ZNF30: variants seen among roughly 807,000 people sequenced by gnomAD.
ZNF30 encodes the protein zinc finger protein 30.
A neutral mutation model predicts 13.2 loss-of-function variants in ZNF30; 15 were observed. That is an observed-to-expected ratio of 1.13 (90% CI 0.76 to 1.75). The LOEUF (loss-of-function observed/expected upper bound fraction) is 1.75. Among genes scored for constraint, ZNF30 ranks in the 40% most tolerant of loss-of-function variants. The probability of loss-of-function intolerance (pLI) is 0.00; values close to 1 mark genes in which losing one functional copy is unlikely to be tolerated. For missense variants in ZNF30, 726 were observed against 757.0 expected (o/e 0.96, Z 0.48); for synonymous variants, 223 against 256.6 (o/e 0.87, Z 1.25).
chr19:34,931,771 GCT>G, intron 2 of ZNF30, 70 bp from the exon 3 acceptor site: 1 of 1,463,144 alleles, frequency 6.8e-7, no homozygotes, highest in Non-Finnish European at 9.3e-7. Flanking sequence ...TTATGTTATT[GCT>G]CCCTTACTAC....
intron 1 of ZNF30, among the ~76,000 whole-genome samples, chr19:34,928,252 T>TATAG (rs61316053): frequency 0.037 from 2,059 of 56,234 alleles, 30 homozygotes; most frequent in Non-Finnish European, 0.043. Flanking sequence ...TATATATATA[T>TATAG]ATAGATAGAT....
chr19:34,929,957 G>A lies in ZNF30; in HGVS notation c.9+1G>A, dbSNP rs1423450378. On this transcript the variant is annotated splice_donor_variant, in intron 2 of 4. Coordinates refer to ENST00000601142, the MANE Select transcript of ZNF30 (RefSeq NM_194325.3). LOFTEE classifies it high-confidence loss of function. ...TTACAATTCTCAAAGCATGGCCCAT[G>A]TAAGTTGGTGTTTCTTCTTGAAATA... 1.2e-6 allele frequency: 2 copies of A among 1,606,500 alleles called. No individual in the cohort carries two copies. Among genetic ancestry groups the A allele is most frequent in the African/African-American group, 1.3e-5 (1 of 74,782 alleles).
At chr19:34,934,711 G>A (rs1316255421) in intron 4 of ZNF30, among the ~76,000 whole-genome samples, 1 of 152,088 alleles carries the variant, frequency 6.6e-6, no homozygotes, top group Non-Finnish European at 1.5e-5. Flanking sequence ...GTTATTATGA[G>A]GCAGATACCT....
At position 34,944,051 on chromosome 19, in the gene ZNF30, A is replaced by G. The variant is rs777065267; in HGVS notation, c.1085A>G (p.His362Arg). The G allele has an allele frequency of 4.3e-6, 7 of 1,614,092 alleles. No individual in the cohort carries two copies. Among genetic ancestry groups the G allele is most frequent in the Admixed American group, 3.3e-5 (2 of 60,028 alleles). The change falls in exon 5 of 5, where the codon CAT becomes CGT. Residue 362 changes from histidine (H) to arginine (R), a missense_variant. By Grantham distance (29) the His-to-Arg change is conservative. Transcript: ENST00000601142. Reference sequence around the variant, plus strand: ...AGACTTAGTTCCTTCCTTCATGCACATCAGCGAATTCATGCAGAGATAAAG... The same window carrying G: ...AGACTTAGTTCCTTCCTTCATGCACGTCAGCGAATTCATGCAGAGATAAAG... ...AFRLSSFLHAHQRIHAEIKPY... is the reference protein window; with the variant it reads ...AFRLSSFLHARQRIHAEIKPY...
intron 2 of ZNF30, 78 bp from the exon 3 acceptor site, chr19:34,931,765 G>A (rs997884325): frequency 1.4e-5 from 20 of 1,435,872 alleles, no homozygotes; most frequent in African/African-American, 8.6e-5. Flanking sequence ...TGATTGTTAT[G>A]TTATTGCTCC....
rs954709401 is a variant in ZNF30 at position 34,944,723 on chromosome 19, A to G, written c.1757A>G (p.His586Arg). The stretch of plus-strand genomic sequence containing the variant: ...AGACTTAATTCATTCCTTACTGAAC[A>G]TCAGCGGGTACACACTGGTGAGAAA... Reference protein sequence around the residue: ...AFRLNSFLTEHQRVHTGEKPF... With the variant: ...AFRLNSFLTERQRVHTGEKPF... The change falls in exon 5 of 5, where the codon CAT (histidine) becomes CGT (arginine). Residue 586 changes from histidine (H) to arginine (R), a missense_variant. Transcript: ENST00000601142. 2.5e-6 allele frequency: 4 copies of G among 1,613,986 alleles called. No homozygotes were observed. The African/African-American group carries it at 4.0e-5, about 16-fold the overall frequency.
At chr19:34,924,386 C>G (rs1273932829), upstream of ZNF30, among the ~76,000 whole-genome samples, 1 of 152,096 alleles carries the variant, frequency 6.6e-6, no homozygotes, top group African/African-American at 2.4e-5. Flanking sequence ...CTGCAAAATA[C>G]AAATTTCTAT....
At chr19:34,934,840 T>C (rs993576901) in intron 4 of ZNF30, among the ~76,000 whole-genome samples, 1 of 152,154 alleles carries the variant, frequency 6.6e-6, no homozygotes, top group Non-Finnish European at 1.5e-5. Context: ...AGATGACGGA[T>C]TGATGGGTGC....
chr19:34,935,094 G>A (rs10417901), intron 4 of ZNF30, among the ~76,000 whole-genome samples: 65,037 of 151,342 alleles, frequency 0.43, 15,450 homozygotes, highest in African/African-American at 0.65. Context: ...GGCCAGGCGT[G>A]GTGGCGGGCG....
chr19:34,927,845 T>G (rs899401006), intron 1 of ZNF30, among the ~76,000 whole-genome samples: 1 of 152,098 alleles, frequency 6.6e-6, no homozygotes, highest in Non-Finnish European at 1.5e-5. Context: ...TAAAGAAGAG[T>G]TGCTCTTAAT....
At chr19:34,924,453 A>C (rs2011999275), upstream of ZNF30, among the ~76,000 whole-genome samples, 1 of 152,200 alleles carries the variant, frequency 6.6e-6, no homozygotes, top group South Asian at 2.1e-4. Context: ...ATTTCTGCCC[A>C]GATGACATTT....
At chr19:34,927,974 G>C (rs957272704) in intron 1 of ZNF30, among the ~76,000 whole-genome samples, 1 of 151,914 alleles carries the variant, frequency 6.6e-6, no homozygotes, top group Non-Finnish European at 1.5e-5. Context: ...AAGCTGAGGC[G>C]GGTGGATTGC....
chr19:34,929,913 A>C lies in ZNF30; in HGVS notation c.-35A>C, dbSNP rs1291838043. ...TGAACTTCTCAGATAGAGGAACCCCAGTGAAGACTGATCAGTTCTTACAAT... is the reference window on the plus strand; with the variant it reads ...TGAACTTCTCAGATAGAGGAACCCCCGTGAAGACTGATCAGTTCTTACAAT... On this transcript the variant is annotated 5_prime_UTR_variant, in exon 2 of 5. Transcript: ENST00000601142. 4 of 1,598,386 alleles carry C rather than the reference A, an allele frequency of 2.5e-6. No homozygotes were observed. The Admixed American group carries it at 6.9e-5, about 27-fold the overall frequency.
Position 34,944,931 on chromosome 19 carries a change from G to T in ZNF30, c.*93G>T. The T allele has an allele frequency of 8.4e-7, 1 of 1,190,018 alleles. No homozygotes were observed. Among genetic ancestry groups the T allele is most frequent in the Admixed American group, 2.8e-5 (1 of 35,212 alleles). 73.7% of individuals were successfully genotyped at this position (1,190,018 alleles called of 1,614,324 possible). A position where few individuals can be genotyped will look rare whatever the true frequency, so the allele number is the denominator to read the frequency against. On this transcript the variant is annotated 3_prime_UTR_variant, in exon 5 of 5. Coordinates refer to ENST00000601142, the MANE Select transcript of ZNF30 (RefSeq NM_194325.3). ...CTGGTAGGAAACTTTCAAATGTGAA[G>T]AATATTGGCAGGTCTATTCTCATCT... is the stretch of plus-strand genomic sequence containing the variant.
chr19:34,931,989 A>C lies in ZNF30; in HGVS notation c.156A>C (p.Ser52=). ...TGGAGAACTACAGGAACTTGGTGTCAATGGGTAAGTGTACTTCTCTCAAAT... is the reference window on the plus strand; with the variant it reads ...TGGAGAACTACAGGAACTTGGTGTCCATGGGTAAGTGTACTTCTCTCAAAT... The part of the protein sequence containing the change: ...VMLENYRNLV[S]MGHSRSKPHV... Residue 52 remains serine (S), a synonymous_variant, in exon 3 of 5, where the codon TCA becomes TCC. Transcript: ENST00000601142. 1 of 1,595,412 alleles carries C rather than the reference A, an allele frequency of 6.3e-7. No homozygotes were observed. Among genetic ancestry groups the C allele is most frequent in the Non-Finnish European group, 8.5e-7 (1 of 1,173,704 alleles).
At chr19:34,928,495 A>G (rs1413387196) in intron 1 of ZNF30, among the ~76,000 whole-genome samples, 1 of 151,998 alleles carries the variant, frequency 6.6e-6, no homozygotes, top group African/African-American at 2.4e-5. Flanking sequence ...TTATTACAGT[A>G]TGCTATTATA....
At position 34,935,471 on chromosome 19, in the gene ZNF30, A is replaced by T. The variant is rs112849393; in HGVS notation, c.256+1748A>T. ...ACTTTGCCAGGGATCCCATATTCTC[A>T]CTCCCAGTCTTACCTGCTCTTCTCA... On this transcript the variant is annotated intron_variant, in intron 4 of 4. Transcript: ENST00000601142. Among the ~76,000 whole-genome samples, 463 of 150,992 alleles carry T rather than the reference A, an allele frequency of 3.1e-3. 1 individual carries two copies. The highest frequency in any genetic ancestry group is 4.6e-3 in the Non-Finnish European group (313 of 67,768).
upstream of ZNF30, among the ~76,000 whole-genome samples, chr19:34,924,195 G>A (rs182533826): frequency 4.2e-3 from 636 of 152,036 alleles, 3 homozygotes; most frequent in African/African-American, 0.015. Flanking sequence ...GTAAGATTGC[G>A]ATCCTTAGCT....
intron 4 of ZNF30, among the ~76,000 whole-genome samples, chr19:34,936,179 T>C (rs1202539153): frequency 6.6e-6 from 1 of 152,154 alleles, no homozygotes; most frequent in Non-Finnish European, 1.5e-5. Context: ...ATCATCCTAG[T>C]TTATGTTTTT....
Sources: gnomAD v4.1 joint callset for allele counts (sites outside exome capture counted in the v4.1 genomes callset) on GRCh38, gnomAD v4.1.1 for gene constraint, MANE v1.5 for transcripts, NCBI Gene and HGNC (gene_info 2026-07-23, HGNC 2026-07-21) for gene names.